Variants in DGKH observed in about 807,000 individuals in gnomAD.
The protein encoded by DGKH is DAG kinase eta.
Under a neutral mutation model 159.3 loss-of-function variants are expected in DGKH, and 90 were observed. The observed-to-expected ratio is 0.57, with a 90% CI of 0.48 to 0.67. The LOEUF is 0.67. Among genes scored for constraint, DGKH ranks in the 30% least tolerant of loss-of-function variants. The pLI is 0.00. For synonymous variants in DGKH, 536 were observed against 553.8 expected, an observed-to-expected ratio of 0.97 and a Z score of 0.45; for missense variants, 1,181 against 1,506.1, an observed-to-expected ratio of 0.78 and a Z score of 3.57.
intron 1 of DGKH, among the ~76,000 whole-genome samples, chr13:42,062,501 G>A (rs564610503): frequency 2.0e-5 from 3 of 152,254 alleles, no homozygotes; most frequent in East Asian, 1.9e-4. Flanking sequence ...TTATAAAGTC[G>A]TATTACCAGC....
At chr13:42,159,244 C>CTCTTTTT in intron 5 of DGKH, 22 bp from the exon 6 acceptor site, 1 of 213,284 alleles carries the variant, frequency 4.7e-6, no homozygotes, top group South Asian at 4.3e-5. Flanking sequence ...AGCAGTTGCT[C>CTCTTTTT]TTTTTTTTTT....
intron 1 of DGKH, among the ~76,000 whole-genome samples, chr13:42,119,651 T>TA (rs1367236088): frequency 1.3e-5 from 2 of 152,200 alleles, no homozygotes; most frequent in African/African-American, 4.8e-5. Flanking sequence ...CTCTTCTTTT[T>TA]AAAAAAATTA....
At chr13:42,139,844 C>T (rs1393907416) in intron 3 of DGKH, among the ~76,000 whole-genome samples, 1 of 152,172 alleles carries the variant, frequency 6.6e-6, no homozygotes. Flanking sequence ...GGCTATGCTG[C>T]CTGCCTTCAG....
chr13:42,168,893 A>T, intron 11 of DGKH, 75 bp downstream of exon 11: 1 of 1,424,740 alleles, frequency 7.0e-7, no homozygotes, highest in Non-Finnish European at 9.3e-7. Context: ...TTTCTTAATA[A>T]ATATTTATTA....
At chr13:42,151,007 G>A (rs969238571) in intron 3 of DGKH, among the ~76,000 whole-genome samples, 2 of 152,070 alleles carry the variant, frequency 1.3e-5, no homozygotes, top group African/African-American at 4.8e-5. Context: ...GCAAGGAAGG[G>A]GCTGCAAGCG....
Position 42,232,731 on chromosome 13 carries a change from T to G in DGKH, c.*3543T>G, listed in dbSNP as rs528179238. On this transcript the variant is annotated 3_prime_UTR_variant, in exon 30 of 30. Coordinates refer to ENST00000337343, the MANE Select transcript of DGKH (RefSeq NM_178009.5). ...AAGTGAATTGATGGATTAGGTCATT[T>G]GGGATTGTGATATATATTGTTCTTG... is the stretch of plus-strand genomic sequence containing the variant. The G allele has an allele frequency of 1.3e-5, 2 of 152,382 alleles. No individual in the cohort carries two copies. The highest frequency in any genetic ancestry group is 1.3e-4 in the Admixed American group (2 of 15,306). 9.4% of individuals were successfully genotyped at this position (152,382 alleles called of 1,614,324 possible).
chr13:42,228,001 T>A (rs1229427383), intron 29 of DGKH, among the ~76,000 whole-genome samples: 1 of 152,122 alleles, frequency 6.6e-6, no homozygotes, highest in Non-Finnish European at 1.5e-5. Flanking sequence ...AATATTTCAA[T>A]TTTTTTGGAA....
chr13:42,055,724 A>T (rs1881709193), intron 1 of DGKH, among the ~76,000 whole-genome samples: 1 of 152,204 alleles, frequency 6.6e-6, no homozygotes, highest in South Asian at 2.1e-4. Context: ...AATTAAAGAG[A>T]GTTTGTTTTA....
intron 3 of DGKH, chr13:42,140,688 A>G (rs1054294378): frequency 6.6e-6 from 1 of 152,092 alleles, no homozygotes; most frequent in African/African-American, 2.4e-5. Flanking sequence ...AGGGCAATGG[A>G]ATTTACCTAG....
intron 1 of DGKH, among the ~76,000 whole-genome samples, chr13:42,063,633 T>G (rs1882342267): frequency 6.6e-6 from 1 of 152,100 alleles, no homozygotes; most frequent in Admixed American, 6.5e-5. Context: ...GTGAAATGAC[T>G]TTTTTAGGAG....
rs1265486038 is a variant in DGKH, at chr13:42,194,973, C to T, written c.2124C>T (p.Ser708=). Reference sequence around the variant, plus strand: ...TCCCTGGTCCAGCTGTGGCAGCCAGCAAAGAAAACCTCCCTGTGCTCAATA... The same window carrying T: ...TCCCTGGTCCAGCTGTGGCAGCCAGTAAAGAAAACCTCCCTGTGCTCAATA... ...DSVPGPAVAA[S]KENLPVLNTR... is the part of the protein sequence containing the mutation. Residue 708 remains serine, a synonymous_variant, in exon 17 of 30, where the codon AGC becomes AGT. Coordinates refer to ENST00000337343, the MANE Select transcript of DGKH (RefSeq NM_178009.5). 13 of 1,613,890 alleles carry T rather than the reference C, an allele frequency of 8.1e-6. No individual in the cohort carries two copies. The highest frequency in any genetic ancestry group is 1.1e-5 in the Non-Finnish European group (13 of 1,179,936).
intron 29 of DGKH, among the ~76,000 whole-genome samples, chr13:42,248,123 A>G (rs944664979): frequency 3.9e-5 from 6 of 152,146 alleles, no homozygotes; most frequent in African/African-American, 1.4e-4. Flanking sequence ...TATAAGCTCC[A>G]TTCATGAATT....
intron 1 of DGKH, among the ~76,000 whole-genome samples, chr13:42,060,367 A>G (rs992320627): frequency 2.6e-5 from 4 of 152,092 alleles, no homozygotes; most frequent in African/African-American, 9.7e-5. Context: ...CACCACCTCT[A>G]TCGGTCTTTT....
At chr13:42,139,571 C>T (rs1401933732) in intron 3 of DGKH, among the ~76,000 whole-genome samples, 1 of 152,178 alleles carries the variant, frequency 6.6e-6, no homozygotes, top group Non-Finnish European at 1.5e-5. Context: ...AGTGCTCCTG[C>T]TCAGTAACCT....
chr13:42,224,587 A>G (rs1350303266), intron 29 of DGKH, among the ~76,000 whole-genome samples: 6 of 152,162 alleles, frequency 3.9e-5, no homozygotes, highest in Admixed American at 3.9e-4. Context: ...AAAACTTTTC[A>G]GTAGCTTCCC....
intron 1 of DGKH, among the ~76,000 whole-genome samples, chr13:42,119,915 T>C (rs887200327): frequency 2.0e-5 from 3 of 152,190 alleles, no homozygotes; most frequent in African/African-American, 7.2e-5. Context: ...TGAATCAATG[T>C]TATTTTTTTG....
intron 16 of DGKH, among the ~76,000 whole-genome samples, chr13:42,192,298 C>G (rs1237746285): frequency 6.6e-6 from 1 of 152,152 alleles, no homozygotes; most frequent in Non-Finnish European, 1.5e-5. Flanking sequence ...CACTCACTTT[C>G]AATACATCCC....
chr13:42,118,684 C>A (rs1955008687), intron 1 of DGKH, among the ~76,000 whole-genome samples: 1 of 152,142 alleles, frequency 6.6e-6, no homozygotes, highest in Admixed American at 6.5e-5. Flanking sequence ...TCAAGACAGA[C>A]AAGTGGAGCA....
intron 1 of DGKH, among the ~76,000 whole-genome samples, chr13:42,110,391 A>T (rs1014350098): frequency 6.6e-6 from 1 of 152,170 alleles, no homozygotes; most frequent in Non-Finnish European, 1.5e-5. Context: ...GTTATTAGTT[A>T]AAAAAACAAA....
Sources: gnomAD v4.1 joint callset for allele counts (sites outside exome capture counted in the v4.1 genomes callset) on GRCh38, gnomAD v4.1.1 for gene constraint, MANE v1.5 for transcripts, NCBI Gene and HGNC (gene_info 2026-07-23, HGNC 2026-07-21) for gene names.